DPH7: variants seen among roughly 807,000 people sequenced by gnomAD.
The protein encoded by DPH7 is diphthamide biosynthesis 7.
In DPH7, 44 loss-of-function variants were observed where a neutral mutation model predicts 41.7. The ratio of observed to expected loss-of-function variants is 1.05; its 90% CI spans 0.83 to 1.36. The LOEUF (loss-of-function observed/expected upper bound fraction) is 1.36. Ranked by LOEUF, DPH7 falls within the 40% of genes most tolerant of loss-of-function variation. The probability of loss-of-function intolerance (pLI) is 0.00; values close to 1 mark genes in which losing one functional copy is unlikely to be tolerated. For missense variants in DPH7, 629 were observed against 577.5 expected (o/e 1.09, Z -0.91); for synonymous variants, 275 against 238.0 (o/e 1.16, Z -1.43).
chr9:137,556,580 CCCAGG>C lies in DPH7; in HGVS notation c.950-937_950-933del. ...TGGGCCGGGGAGGCCCAACCCTGGGCCCAGGGCTTCAACTGGGCAGAGGTGGCTCC... is the reference window on the plus strand; with the variant it reads ...TGGGCCGGGGAGGCCCAACCCTGGGCGCTTCAACTGGGCAGAGGTGGCTCC... On this transcript the variant is annotated intron_variant, in intron 8 of 8. Coordinates refer to ENST00000277540, the MANE Select transcript of DPH7 (RefSeq NM_138778.5). The surrounding 1 kb of genome is among the most constrained non-coding windows in gnomAD (Gnocchi z 5.2). The C allele has an allele frequency of 3.0e-6, 1 of 330,456 alleles. No individual in the cohort carries two copies. Among genetic ancestry groups the C allele is most frequent in the Non-Finnish European group, 6.0e-6 (1 of 166,888 alleles). The allele number at this position is 330,456 out of a possible 1,614,324, so 20.5% of individuals were successfully genotyped here. A position where few individuals can be genotyped will look rare whatever the true frequency, so the allele number is the denominator to read the frequency against.
chr9:137,562,610 G>A (rs1011765556), intron 8 of DPH7, among the ~76,000 whole-genome samples: 27 of 152,328 alleles, frequency 1.8e-4, no homozygotes, highest in African/African-American at 6.0e-4. Flanking sequence ...ACCTCAAATT[G>A]TTTTAAGATG....
At position 137,574,200 on chromosome 9, in the gene DPH7, A is replaced by C; in HGVS notation, c.640+8T>G. The C allele has an allele frequency of 1.9e-6, 3 of 1,613,704 alleles. No individual in the cohort carries two copies. Among genetic ancestry groups the C allele is most frequent in the Non-Finnish European group, 2.5e-6 (3 of 1,179,756 alleles). On this transcript the variant is annotated splice_region_variant and intron_variant, in intron 5 of 8. Coordinates refer to ENST00000277540, the MANE Select transcript of DPH7 (RefSeq NM_138778.5). ...TCCATCAGAGGTGACCGGTGGAGGA[A>C]TACTGACCTGAATACACAATTTCTG...
Position 137,574,901 on chromosome 9 carries a change from G to C in DPH7, c.376-58C>G, listed in dbSNP as rs1841114878. The C allele has an allele frequency of 3.7e-6, 6 of 1,605,116 alleles. No homozygotes were observed. In the African/African-American group the frequency reaches 4.0e-5, roughly 11 times the overall value. ...AGTAGCCGCCCCAGAACCCCCAAAA[G>C]ACTTTTCCTCTCCTGCAGGGAAGTC... On this transcript the variant is annotated intron_variant, in intron 3 of 8. Transcript: ENST00000277540.
chr9:137,571,159 C>T (rs1351190833), intron 5 of DPH7, among the ~76,000 whole-genome samples: 1 of 151,974 alleles, frequency 6.6e-6, no homozygotes, highest in African/African-American at 2.4e-5. Context: ...CGTGAACCAC[C>T]CACCCCATCC....
chr9:137,575,666 C>T (rs1841257287), intron 3 of DPH7: 2 of 1,034,388 alleles, frequency 1.9e-6, no homozygotes, highest in African/African-American at 1.7e-5. Context: ...TGCATGGCTC[C>T]AGAGCACTGT....
At chr9:137,564,348 G>A (rs1361121864) in intron 8 of DPH7, 86 bp downstream of exon 8, 13 of 1,485,042 alleles carry the variant, frequency 8.8e-6, no homozygotes, top group Non-Finnish European at 1.2e-5. Flanking sequence ...AAGGGAGCAG[G>A]GAGCTGAGGG....
intron 5 of DPH7, among the ~76,000 whole-genome samples, chr9:137,569,017 G>C (rs1319167701): frequency 6.6e-6 from 1 of 152,054 alleles, no homozygotes; most frequent in Non-Finnish European, 1.5e-5. Context: ...CACTTGTTTA[G>C]GGGAACGAAA....
At chr9:137,558,556 T>C (rs778962644) in intron 8 of DPH7, among the ~76,000 whole-genome samples, 2 of 152,114 alleles carry the variant, frequency 1.3e-5, no homozygotes, top group African/African-American at 2.4e-5. Context: ...CGTTAAGCTA[T>C]GTAAAGAAGC....
chr9:137,571,376 G>C (rs898640197), intron 5 of DPH7, among the ~76,000 whole-genome samples: 5 of 151,760 alleles, frequency 3.3e-5, no homozygotes, highest in Non-Finnish European at 7.4e-5. Context: ...TAATAGAGAT[G>C]GGGTTTCACC....
At chr9:137,557,267 G>C (rs1339142474) in intron 8 of DPH7, among the ~76,000 whole-genome samples, 1 of 152,188 alleles carries the variant, frequency 6.6e-6, no homozygotes, top group East Asian at 1.9e-4. Context: ...CAGCACTTTG[G>C]GAAGCCAAGG....
intron 3 of DPH7, chr9:137,575,282 C>T (rs1053866139): frequency 5.2e-5 from 52 of 993,680 alleles, no homozygotes; most frequent in Admixed American, 5.9e-5. Context: ...TCAGAAGCCG[C>T]GAGCAGCCAT....
In DPH7 at chr9:137,564,443, T is replaced by G. The variant is rs546236459; in HGVS notation, c.940A>C (p.Lys314Gln). ...HSGFKILNCQKAMEERQEATV... is the reference protein window; with the variant it reads ...HSGFKILNCQQAMEERQEATV... The stretch of plus-strand genomic sequence containing the variant: ...ACGGGTCCCCACTCACCCATTGCCT[T>G]TTGGCAGTTGAGGATCTTAAAGCCA... The change falls in exon 8 of 9, where the codon AAG becomes CAG. Residue 314 changes from lysine to glutamine, a missense_variant. Physicochemically the swap from Lys to Gln is moderately conservative, Grantham distance 53. Coordinates refer to ENST00000277540, the MANE Select transcript of DPH7 (RefSeq NM_138778.5). The G allele has an allele frequency of 1.6e-5, 26 of 1,613,162 alleles. No individual in the cohort carries two copies. The South Asian group carries it at 2.6e-4, about 16-fold the overall frequency.
chr9:137,570,414 T>C (rs1840234905), intron 5 of DPH7, among the ~76,000 whole-genome samples: 1 of 152,134 alleles, frequency 6.6e-6, no homozygotes, highest in African/African-American at 2.4e-5. Flanking sequence ...TACCTTCACT[T>C]CTATCCAGAA....
At chr9:137,574,995 C>A in intron 3 of DPH7, 152 bp from the exon 4 acceptor site, 1 of 1,436,942 alleles carries the variant, frequency 7.0e-7, no homozygotes, top group Non-Finnish European at 9.1e-7. Flanking sequence ...CCACCTAACA[C>A]TGAAACCCCT....
intron 8 of DPH7, among the ~76,000 whole-genome samples, chr9:137,559,000 A>C (rs1206136789): frequency 2.6e-5 from 4 of 152,216 alleles, no homozygotes; most frequent in African/African-American, 9.6e-5. Context: ...CAAGCCACCC[A>C]GGCACCGAGG....
rs769204809 is a variant in DPH7 at position 137,574,299 on chromosome 9, G to A, written c.549C>T (p.Pro183=). Reference sequence around the variant, plus strand: ...GCCATGAGGCCACTTTCTGCAGCCTGGGCCTCGTCTCATTCACCATCAGGA... The same window carrying A: ...GCCATGAGGCCACTTTCTGCAGCCTAGGCCTCGTCTCATTCACCATCAGGA... ...LHLLMVNETR[P]RLQKVASWQA... Residue 183 remains proline, a synonymous_variant, in exon 5 of 9, where the codon CCC becomes CCT. Transcript: ENST00000277540. 4 of 1,614,160 alleles carry A rather than the reference G, an allele frequency of 2.5e-6. No individual in the cohort carries two copies. In the South Asian group the frequency reaches 4.4e-5, roughly 18 times the overall value.
chr9:137,575,986 C>T, intron 3 of DPH7, 94 bp downstream of exon 3: 5 of 1,585,606 alleles, frequency 3.2e-6, no homozygotes, highest in South Asian at 2.2e-5. Flanking sequence ...GAAGAGAGAT[C>T]GTTTTAGAAA....
intron 3 of DPH7, chr9:137,575,254 A>G (rs1588934847): frequency 7.0e-6 from 7 of 996,282 alleles, no homozygotes; most frequent in African/African-American, 3.5e-5. Flanking sequence ...CAATGGGGAA[A>G]CTCCTCTGGT....
At chr9:137,558,663 G>A (rs1310027110) in intron 8 of DPH7, among the ~76,000 whole-genome samples, 1 of 152,218 alleles carries the variant, frequency 6.6e-6, no homozygotes, top group Non-Finnish European at 1.5e-5. Context: ...GGCTGGGGGA[G>A]GGATGTTTGG....
Sources: allele counts gnomAD v4.1 joint callset (sites outside exome capture counted in the v4.1 genomes callset), GRCh38; gene constraint gnomAD v4.1.1; non-coding constraint Gnocchi (gnomAD v3.1); transcripts MANE v1.5; gene names NCBI Gene and HGNC (gene_info 2026-07-23, HGNC 2026-07-21).